FGF13: variants seen among roughly 807,000 people sequenced by gnomAD.
FGF13 encodes the protein fibroblast growth factor 13, also known as fibroblast growth factor homologous factor 2.
Under a neutral mutation model 19.5 loss-of-function variants are expected in FGF13, and 2 were observed. The ratio of observed to expected loss-of-function variants is 0.10; its 90% confidence interval spans 0.04 to 0.32. The LOEUF (loss-of-function observed/expected upper bound fraction) is 0.32. Ranked by LOEUF, FGF13 falls within the 10% of genes least tolerant of loss-of-function variation. FGF13 has a pLI of 1.00. For synonymous variants in FGF13, 72 were observed against 76.9 expected (o/e 0.94, Z 0.33); for missense variants, 113 against 192.7 (o/e 0.59, Z 2.45).
chrX:139,044,840 T>C (rs909540204), intron 1 of FGF13, among the ~76,000 whole-genome samples: 2 of 111,587 alleles, frequency 1.8e-5, no homozygotes, highest in African/African-American at 6.6e-5. Context: ...ACAGCCGACA[T>C]AGCTACTCTT....
chrX:138,846,490 G>A lies in FGF13; in HGVS notation c.217+11022C>T, dbSNP rs2091184726. 3.6e-5 allele frequency among the ~76,000 whole-genome samples: 4 copies of A among 111,519 alleles called. No individual in the cohort carries two copies. In the South Asian group the frequency reaches 1.5e-3, roughly 42 times the overall value. ...TTCAATATGGATGTGTCATTTCCTC[G>A]AGTCTCCCTGTATTTGTGGACAGAC... On this transcript the variant is annotated intron_variant, in intron 3 of 6. Transcript: ENST00000436198.
intron 3 of FGF13, among the ~76,000 whole-genome samples, chrX:138,769,078 C>T (rs180958570): frequency 4.0e-4 from 44 of 111,142 alleles, no homozygotes; most frequent in African/African-American, 1.4e-3. Context: ...CTGTAACACG[C>T]TTGACCTATT....
At chrX:139,164,623 G>A (rs2084064188) in intron 1 of FGF13, among the ~76,000 whole-genome samples, 1 of 109,733 alleles carries the variant, frequency 9.1e-6, no homozygotes, top group Admixed American at 9.8e-5. Flanking sequence ...CCAGGAGGCT[G>A]AGGCTGCACT....
chrX:138,672,244 A>T (rs906710681), intron 3 of FGF13, among the ~76,000 whole-genome samples: 2 of 111,328 alleles, frequency 1.8e-5, no homozygotes, highest in Non-Finnish European at 3.8e-5. Context: ...ACATTATCTG[A>T]CTTACTATGA....
At chrX:139,109,563 C>T (rs752409270) in intron 1 of FGF13, among the ~76,000 whole-genome samples, 14 of 111,492 alleles carry the variant, frequency 1.3e-4, no homozygotes, top group African/African-American at 2.9e-4. Context: ...CAGGCAGACA[C>T]GATTTGGCAT....
rs139084376 is a variant in FGF13, at chrX:139,064,281, C to CTTTT, written c.-113+139131_-113+139134dup. Reference sequence around the variant, plus strand: ...GCATAGAGCAGAGTTCTTTTTTTTTCTTTTTTTTTTTTTTTTTTTTTTTTT... The same window carrying CTTTT: ...GCATAGAGCAGAGTTCTTTTTTTTTCTTTTTTTTTTTTTTTTTTTTTTTTTTTTT... On this transcript the variant is annotated intron_variant, in intron 1 of 2. Transcript: ENST00000421460. 1.8e-3 allele frequency among the ~76,000 whole-genome samples: 41 copies of CTTTT among 23,163 alleles called. 3 individuals carry two copies. The highest frequency in any genetic ancestry group is 2.3e-3 in the Non-Finnish European group (35 of 15,030). 20.1% of individuals were successfully genotyped at this position (23,163 alleles called of 115,157 possible).
At chrX:139,203,200 C>G (rs1284734718) in intron 1 of FGF13, among the ~76,000 whole-genome samples, 2 of 111,754 alleles carry the variant, frequency 1.8e-5, no homozygotes, top group Admixed American at 9.3e-5. Flanking sequence ...AGGCCCTGGG[C>G]AGAGGCGCGC....
At chrX:138,950,388 G>A (rs2091804726) in intron 1 of FGF13, among the ~76,000 whole-genome samples, 1 of 112,032 alleles carries the variant, frequency 8.9e-6, no homozygotes, top group African/African-American at 3.2e-5. Flanking sequence ...GTACCATTTT[G>A]AGTGCCTATG....
intron 1 of FGF13, among the ~76,000 whole-genome samples, chrX:139,095,221 A>T (rs1445420827): frequency 8.9e-6 from 1 of 112,110 alleles, no homozygotes; most frequent in Non-Finnish European, 1.9e-5. Flanking sequence ...CTTGTTTCTG[A>T]AAAAAAGTTC....
chrX:138,858,392 C>T (rs1195974947), intron 2 of FGF13, among the ~76,000 whole-genome samples: 1 of 111,980 alleles, frequency 8.9e-6, no homozygotes, highest in African/African-American at 3.2e-5. Flanking sequence ...TCTTTATATG[C>T]TTCCTAAGTG....
chrX:139,068,244 TC>T (rs2092363786), intron 1 of FGF13, among the ~76,000 whole-genome samples: 1 of 95,893 alleles, frequency 1.0e-5, no homozygotes, highest in Non-Finnish European at 2.0e-5. Context: ...AAATAGGGAA[TC>T]CTTTCCCCGT....
intron 1 of FGF13, among the ~76,000 whole-genome samples, chrX:139,047,993 A>G (rs1253163528): frequency 1.8e-5 from 2 of 110,717 alleles, no homozygotes; most frequent in Non-Finnish European, 3.8e-5. Flanking sequence ...ATTTTCTTCC[A>G]ATAGATTAAT....
intron 3 of FGF13, among the ~76,000 whole-genome samples, chrX:138,647,110 G>T (rs1476522051): frequency 1.8e-5 from 2 of 109,130 alleles, no homozygotes; most frequent in East Asian, 5.8e-4. Flanking sequence ...GCTGCCCAAG[G>T]TAAGTAAAGT....
At chrX:138,945,654 T>G (rs5976229) in intron 1 of FGF13, among the ~76,000 whole-genome samples, 2,463 of 111,241 alleles carry the variant, frequency 0.022, 65 homozygotes, top group African/African-American at 0.076. Context: ...TGACTATGCA[T>G]GAACTAAAAA....
chrX:138,878,188 A>C (rs2091401866), intron 1 of FGF13, among the ~76,000 whole-genome samples: 1 of 109,499 alleles, frequency 9.1e-6, no homozygotes, highest in Non-Finnish European at 1.9e-5. Flanking sequence ...TTTAGGGTAC[A>C]TGTGCACAAT....
intron 1 of FGF13, among the ~76,000 whole-genome samples, chrX:138,732,799 C>T (rs934570503): frequency 1.4e-4 from 15 of 110,352 alleles, no homozygotes; most frequent in African/African-American, 4.3e-4. Flanking sequence ...TATGGATGGG[C>T]GAGGGGACGA....
At chrX:138,911,552 C>T in intron 1 of FGF13, among the ~76,000 whole-genome samples, 1 of 110,613 alleles carries the variant, frequency 9.0e-6, no homozygotes, top group Non-Finnish European at 1.9e-5. Flanking sequence ...ATACGTACAA[C>T]AAACTCCCAC....
chrX:138,895,465 T>C (rs1482621419), intron 1 of FGF13, among the ~76,000 whole-genome samples: 1 of 111,922 alleles, frequency 8.9e-6, no homozygotes, highest in East Asian at 2.8e-4. Context: ...TATGAAAAGG[T>C]ATTCAACAAA....
At chrX:139,178,731 T>C (rs1472447574) in intron 1 of FGF13, among the ~76,000 whole-genome samples, 1 of 112,121 alleles carries the variant, frequency 8.9e-6, no homozygotes, top group Non-Finnish European at 1.9e-5. Flanking sequence ...ATATGTTTCA[T>C]GTGGTCTCAA....
Sources: gnomAD v4.1 joint callset for allele counts (sites outside exome capture counted in the v4.1 genomes callset) on GRCh38, gnomAD v4.1.1 for gene constraint, MANE v1.5 for transcripts, NCBI Gene and HGNC (gene_info 2026-07-23, HGNC 2026-07-21) for gene names.